Variants in SGSM1 observed in about 807,000 individuals in gnomAD.
The protein encoded by SGSM1 is RUN and TBC1 domain containing 2.
SGSM1 carries 73 observed loss-of-function variants against 133.8 expected under a neutral mutation model. The observed-to-expected ratio is 0.55, with a 90% CI of 0.45 to 0.66. The LOEUF (loss-of-function observed/expected upper bound fraction) is 0.66, where lower values mean the gene tolerates loss of function less well. SGSM1 is among the 30% of genes least tolerant of loss of function. The pLI is 0.00. For missense variants in SGSM1, 1,213 were observed against 1,448.1 expected (o/e 0.84, Z 2.64); for synonymous variants, 563 against 573.0 (o/e 0.98, Z 0.25).
chr22:24,919,717 A>G (rs1269705417), intron 23 of SGSM1, 109 bp from the exon 24 acceptor site: 1 of 1,268,214 alleles, frequency 7.9e-7, no homozygotes, highest in Non-Finnish European at 1.1e-6. Context: ...GCACAGGCAT[A>G]AGGCAAAACT....
At position 24,884,205 on chromosome 22, in the gene SGSM1, C is replaced by CT; in HGVS notation, c.1641+9dup. The CT allele has an allele frequency of 6.2e-7, 1 of 1,610,468 alleles. No homozygotes were observed. Among genetic ancestry groups the CT allele is most frequent in the African/African-American group, 1.3e-5 (1 of 74,972 alleles). ...GTACCTTCACGACAGCACAGTAAGG[C>CT]TTAGCTGGGCTTGGTCTGCAGTGAT... is the stretch of plus-strand genomic sequence containing the variant. On this transcript the variant is annotated splice_region_variant and intron_variant, in intron 15 of 24. Transcript: ENST00000400358.
At chr22:24,861,587 A>T (rs1931156027) in intron 9 of SGSM1, among the ~76,000 whole-genome samples, 1 of 151,476 alleles carries the variant, frequency 6.6e-6, no homozygotes, top group Non-Finnish European at 1.5e-5. Flanking sequence ...TCGCTCTGTC[A>T]CCCAGGCTGG....
At chr22:24,885,751 T>A (rs1426254375) in intron 15 of SGSM1, among the ~76,000 whole-genome samples, 1 of 152,214 alleles carries the variant, frequency 6.6e-6, no homozygotes, top group Non-Finnish European at 1.5e-5. Context: ...TCCCCATAGA[T>A]GTATCCCTCG....
intron 2 of SGSM1, among the ~76,000 whole-genome samples, chr22:24,829,112 C>T (rs952131823): frequency 1.4e-4 from 21 of 151,984 alleles, no homozygotes; most frequent in South Asian, 1.0e-3. Context: ...AGGAGAATGG[C>T]GTGAACCCGG....
chr22:24,834,059 G>A (rs2147815001), intron 2 of SGSM1, among the ~76,000 whole-genome samples: 1 of 152,378 alleles, frequency 6.6e-6, no homozygotes, highest in East Asian at 1.9e-4. Context: ...TCACTATGAG[G>A]GAGGACACAG....
intron 2 of SGSM1, among the ~76,000 whole-genome samples, chr22:24,811,868 C>A (rs868209373): frequency 9.0e-4 from 110 of 122,056 alleles, no homozygotes; most frequent in Middle Eastern, 4.7e-3. Flanking sequence ...GACCCTGTCT[C>A]AAAAAAAAAA....
In SGSM1 at chr22:24,830,914, G is replaced by C. The variant is rs540295498; in HGVS notation, c.64-13983G>C. Among the ~76,000 whole-genome samples the C allele has an allele frequency of 2.6e-4, 39 of 152,162 alleles. 1 individual carries two copies. The highest frequency in any genetic ancestry group is 3.9e-4 in the Admixed American group (6 of 15,288). ...ACCTCTTATCTCATCTGACCCTCTG[G>C]CTCACTGCACTAAAAGCCCCTCCTG... is the stretch of plus-strand genomic sequence containing the variant. On this transcript the variant is annotated intron_variant, in intron 2 of 24. Transcript: ENST00000400358.
intron 20 of SGSM1, 79 bp from the exon 21 acceptor site, chr22:24,905,026 A>C: frequency 8.3e-7 from 1 of 1,206,156 alleles, no homozygotes; most frequent in South Asian, 1.2e-5. Flanking sequence ...TTGGGGACCG[A>C]AGCAGGAGGA....
intron 2 of SGSM1, among the ~76,000 whole-genome samples, chr22:24,822,088 C>CTTTTTTTTTTT (rs71320790): frequency 1.0e-5 from 1 of 96,178 alleles, no homozygotes. Flanking sequence ...TCATCTCTCT[C>CTTTTTTTTTTT]TTTTTTTTTT....
At chr22:24,908,585 G>A (rs1161423073) in intron 21 of SGSM1, among the ~76,000 whole-genome samples, 8 of 152,058 alleles carry the variant, frequency 5.3e-5, no homozygotes, top group Admixed American at 2.6e-4. Context: ...GGCAGATCAC[G>A]AGGTCAGAAG....
intron 5 of SGSM1, among the ~76,000 whole-genome samples, chr22:24,851,457 A>C (rs1468027904): frequency 8.3e-6 from 1 of 121,162 alleles, no homozygotes. Flanking sequence ...GGGGAGAGAG[A>C]GAGAGAGAGA....
At chr22:24,855,925 C>G (rs933320563) in intron 8 of SGSM1, 9 of 677,920 alleles carry the variant, frequency 1.3e-5, no homozygotes, top group Non-Finnish European at 2.4e-5. Flanking sequence ...ATCCATCCAT[C>G]CACCCATCTT....
At chr22:24,851,445 G>GT (rs1309298350) in intron 5 of SGSM1, among the ~76,000 whole-genome samples, 2,225 of 112,208 alleles carry the variant, frequency 0.02, 48 homozygotes, top group East Asian at 0.087. Flanking sequence ...AGGGGGGGGT[G>GT]GGGGGAGAGA....
intron 9 of SGSM1, among the ~76,000 whole-genome samples, chr22:24,860,757 A>G (rs139703): frequency 0.42 from 63,444 of 149,648 alleles, 17,267 homozygotes; most frequent in African/African-American, 0.78. Context: ...AAAAATTGCC[A>G]GGCATGGTGG....
Position 24,927,217 on chromosome 22 carries a change from GC to G in SGSM1, c.*2944del, listed in dbSNP as rs1934233905. ...CAACTCTGCTTCTGATGGTTGTCTG[GC>G]TGTTGACTAGGGCAGTGGGGGAAAC... On this transcript the variant is annotated 3_prime_UTR_variant, in exon 25 of 25. Transcript: ENST00000400358. 3 of 152,326 alleles carry G rather than the reference GC, an allele frequency of 2.0e-5. No individual in the cohort carries two copies. Among genetic ancestry groups the G allele is most frequent in the African/African-American group, 7.2e-5 (3 of 41,546 alleles). 9.4% of individuals were successfully genotyped at this position (152,326 alleles called of 1,614,324 possible).
At chr22:24,879,385 C>A in intron 13 of SGSM1, 77 bp from the exon 14 acceptor site, 1 of 1,390,432 alleles carries the variant, frequency 7.2e-7, no homozygotes, top group Non-Finnish European at 1.0e-6. Flanking sequence ...CTAGAGATAG[C>A]ACGTGGTTAT....
chr22:24,908,672 G>A (rs916019777), intron 21 of SGSM1, among the ~76,000 whole-genome samples: 1 of 151,944 alleles, frequency 6.6e-6, no homozygotes, highest in African/African-American at 2.4e-5. Context: ...CGTGGTGGCG[G>A]GCGCCTGTAG....
intron 2 of SGSM1, among the ~76,000 whole-genome samples, chr22:24,835,032 TTGCCTCC>T (rs1929347621): frequency 6.6e-6 from 1 of 152,180 alleles, no homozygotes; most frequent in South Asian, 2.1e-4. Flanking sequence ...AACCTGCCTA[TTGCCTCC>T]TCCCCCTCCT....
rs1173029228 is a variant in SGSM1, at chr22:24,926,509, A to G, written c.*2235A>G. ...TGTTCTTTACAGAGGATGTTATTTT[A>G]GTGAGACCCAGGTCCTAGACCTTCT... On this transcript the variant is annotated 3_prime_UTR_variant, in exon 25 of 25. Coordinates refer to ENST00000400358, the MANE Select transcript of SGSM1 (RefSeq NM_001098497.3). The G allele has an allele frequency of 6.6e-6, 1 of 152,176 alleles. No individual in the cohort carries two copies. The highest frequency in any genetic ancestry group is 1.5e-5 in the Non-Finnish European group (1 of 68,036). 9.4% of individuals were successfully genotyped at this position (152,176 alleles called of 1,614,324 possible).
Sources: allele counts gnomAD v4.1 joint callset (sites outside exome capture counted in the v4.1 genomes callset), GRCh38; gene constraint gnomAD v4.1.1; transcripts MANE v1.5; gene names NCBI Gene and HGNC (gene_info 2026-07-23, HGNC 2026-07-21).